STIMATE: variants seen among roughly 807,000 people sequenced by gnomAD.
STIMATE encodes the protein STIM activating enhancer.
A neutral mutation model predicts 36.7 loss-of-function variants in STIMATE; 15 were observed. That is an observed-to-expected ratio of 0.41 (90% CI 0.27 to 0.63). The LOEUF (loss-of-function observed/expected upper bound fraction) is 0.63, where lower values mean the gene tolerates loss of function less well. Ranked by LOEUF, STIMATE falls within the 20% of genes least tolerant of loss-of-function variation. The probability of loss-of-function intolerance (pLI) is 0.32; values close to 1 mark genes in which losing one functional copy is unlikely to be tolerated. For missense variants in STIMATE, 305 were observed against 397.3 expected, an observed-to-expected ratio of 0.77 and a Z score of 1.98; for synonymous variants, 163 against 162.3, an observed-to-expected ratio of 1.00 and a Z score of -0.03.
At chr3:52,867,598 T>C (rs1292564590) in intron 1 of STIMATE, among the ~76,000 whole-genome samples, 1 of 152,228 alleles carries the variant, frequency 6.6e-6, no homozygotes. Context: ...ACAGGACCAC[T>C]CCCTGATGGC....
chr3:52,876,098 T>A (rs1339253473), intron 1 of STIMATE, among the ~76,000 whole-genome samples: 1 of 152,250 alleles, frequency 6.6e-6, no homozygotes, highest in Admixed American at 6.5e-5. Flanking sequence ...GTTATCAACA[T>A]CAGCAATACT....
chr3:52,855,983 C>T (rs1701085564), intron 1 of STIMATE, among the ~76,000 whole-genome samples: 1 of 152,216 alleles, frequency 6.6e-6, no homozygotes, highest in Non-Finnish European at 1.5e-5. Context: ...TGGCCAACCC[C>T]ACAGTGGGGA....
intron 1 of STIMATE, among the ~76,000 whole-genome samples, chr3:52,869,172 G>A (rs566699325): frequency 7.2e-5 from 11 of 152,282 alleles, no homozygotes; most frequent in Non-Finnish European, 4.4e-5. Context: ...GCGCTGGTCT[G>A]GTGCTCAAAA....
At chr3:52,864,098 AC>A (rs1284984164) in intron 1 of STIMATE, among the ~76,000 whole-genome samples, 1 of 152,180 alleles carries the variant, frequency 6.6e-6, no homozygotes, top group Non-Finnish European at 1.5e-5. Flanking sequence ...ACTAGGCGGT[AC>A]CCCAGTGGGG....
chr3:52,850,459 C>T (rs1475698749), intron 3 of STIMATE, among the ~76,000 whole-genome samples: 2 of 60,748 alleles, frequency 3.3e-5, no homozygotes, highest in Non-Finnish European at 4.6e-5. Context: ...AAAAACCTGC[C>T]AGTGCTTCTG....
chr3:52,856,816 G>C (rs967801631), intron 1 of STIMATE, among the ~76,000 whole-genome samples: 1 of 152,238 alleles, frequency 6.6e-6, no homozygotes, highest in Non-Finnish European at 1.5e-5. Context: ...TGAACCTTGG[G>C]TCTGTAGACA....
At chr3:52,872,206 C>T (rs1402290685) in intron 1 of STIMATE, among the ~76,000 whole-genome samples, 2 of 152,132 alleles carry the variant, frequency 1.3e-5, no homozygotes, top group Admixed American at 6.5e-5. Context: ...ACTGTCTTCT[C>T]CCTACTAGAA....
chr3:52,872,982 A>AT (rs1448105087), intron 1 of STIMATE, among the ~76,000 whole-genome samples: 1 of 152,204 alleles, frequency 6.6e-6, no homozygotes, highest in Non-Finnish European at 1.5e-5. Context: ...GCTCATGAAC[A>AT]TTTTTTGGTA....
At position 52,844,875 on chromosome 3, in the gene STIMATE, T is replaced by C. The variant is rs1167786263; in HGVS notation, c.494A>G (p.Glu165Gly). Residue 165 changes from glutamate to glycine, a missense_variant, in exon 5 of 8, where the codon GAA (glutamate) becomes GGA (glycine). By Grantham distance (98) the Glu-to-Gly change is moderately conservative. Around this residue, in one of 3 missense-constraint regions of STIMATE, gnomAD observed 164 missense variants for 257.9 expected, o/e 0.64. Coordinates refer to ENST00000355083, the MANE Select transcript of STIMATE (RefSeq NM_198563.5). ...CALYIVIMIF[E>G]KSVVFIVLLI... Reference sequence around the variant, plus strand: ...GAGGACGATGAAGACGACAGACTTTTCAAAAATCATGATCACGATGTAAAG... The same window carrying C: ...GAGGACGATGAAGACGACAGACTTTCCAAAAATCATGATCACGATGTAAAG... 6.2e-7 allele frequency: 1 copy of C among 1,613,960 alleles called. No individual in the cohort carries two copies. Among genetic ancestry groups the C allele is most frequent in the Non-Finnish European group, 8.5e-7 (1 of 1,179,998 alleles).
chr3:52,843,243 T>C (rs1347479269), intron 6 of STIMATE: 1 of 490,316 alleles, frequency 2.0e-6, no homozygotes, highest in African/African-American at 1.9e-5. Flanking sequence ...GGAAGCAAGG[T>C]CTCTGGACAC....
chr3:52,891,644 C>G (rs1288510580), intron 1 of STIMATE, among the ~76,000 whole-genome samples: 2 of 152,158 alleles, frequency 1.3e-5, no homozygotes, highest in African/African-American at 4.8e-5. Flanking sequence ...TTCACACTCA[C>G]TGTGCTGGCT....
chr3:52,864,953 T>G (rs531394472), intron 1 of STIMATE, among the ~76,000 whole-genome samples: 1 of 82,472 alleles, frequency 1.2e-5, no homozygotes, highest in African/African-American at 3.9e-5. Flanking sequence ...CTCTCTTTTC[T>G]TTTTTTTTTT....
intron 1 of STIMATE, among the ~76,000 whole-genome samples, chr3:52,863,685 C>A (rs1218525289): frequency 6.6e-6 from 1 of 152,206 alleles, no homozygotes; most frequent in East Asian, 1.9e-4. Context: ...GTTGCTTCCA[C>A]CTATGAGCCT....
intron 1 of STIMATE, among the ~76,000 whole-genome samples, chr3:52,894,027 C>T (rs893068067): frequency 6.6e-6 from 1 of 152,164 alleles, no homozygotes; most frequent in African/African-American, 2.4e-5. Flanking sequence ...CTGCTGAGAC[C>T]CTAGCTGAGC....
At chr3:52,843,144 G>T in intron 6 of STIMATE, 184 bp from the exon 7 acceptor site, 1 of 1,184,366 alleles carries the variant, frequency 8.4e-7, no homozygotes, top group Non-Finnish European at 1.1e-6. Flanking sequence ...CCACATCCTC[G>T]GGTTCAGTTT....
intron 1 of STIMATE, among the ~76,000 whole-genome samples, chr3:52,869,429 G>C (rs1237291555): frequency 2.6e-5 from 4 of 152,212 alleles, no homozygotes; most frequent in Non-Finnish European, 5.9e-5. Context: ...TGTCCCCTTG[G>C]CGTGGGAGGG....
Position 52,849,885 on chromosome 3 carries a change from T to C in STIMATE, c.334A>G (p.Thr112Ala). Residue 112 changes from threonine to alanine, a missense_variant, in exon 4 of 8, where the codon ACT becomes GCT. By Grantham distance (58) the Thr-to-Ala change is moderately conservative (BLOSUM62 0). This residue lies in a region of STIMATE where 164 missense variants were observed against 257.9 expected (regional missense o/e 0.64). Transcript: ENST00000355083. Reference protein sequence around the residue: ...LYLINFLLDATVGMLLIYVGV... With the variant: ...LYLINFLLDAAVGMLLIYVGV... Reference sequence around the variant, plus strand: ...ACGTAGATGAGCAGCATGCCCACAGTGGCGTCCAGGAGGAAGTTGATGAGG... The same window carrying C: ...ACGTAGATGAGCAGCATGCCCACAGCGGCGTCCAGGAGGAAGTTGATGAGG... 1.2e-6 allele frequency: 2 copies of C among 1,613,772 alleles called. No individual in the cohort carries two copies. Among genetic ancestry groups the C allele is most frequent in the Non-Finnish European group, 1.7e-6 (2 of 1,179,936 alleles).
chr3:52,893,948 T>C (rs1701824594), intron 1 of STIMATE, among the ~76,000 whole-genome samples: 2 of 152,206 alleles, frequency 1.3e-5, no homozygotes, highest in South Asian at 2.1e-4. Flanking sequence ...ACACGACCTT[T>C]GGCTGACAGC....
intron 1 of STIMATE, among the ~76,000 whole-genome samples, chr3:52,892,224 T>A (rs1333227680): frequency 6.6e-6 from 1 of 152,052 alleles, no homozygotes; most frequent in East Asian, 1.9e-4. Context: ...TTCAAAAGTT[T>A]AAAAAAAATG....
Sources: allele counts gnomAD v4.1 joint callset (sites outside exome capture counted in the v4.1 genomes callset), GRCh38; gene constraint gnomAD v4.1.1; regional missense constraint gnomAD v4.1.1; transcripts MANE v1.5; gene names NCBI Gene and HGNC (gene_info 2026-07-23, HGNC 2026-07-21).